The following MAP2K7 variants were observed in gnomAD, a reference collection of about 807,000 sequenced individuals.
MAP2K7 encodes dual specificity mitogen-activated protein kinase kinase 7.
In MAP2K7, 12 loss-of-function variants were observed where a neutral mutation model predicts 47.7. The observed-to-expected ratio is 0.25, with a 90% CI of 0.16 to 0.41. The LOEUF (loss-of-function observed/expected upper bound fraction) is 0.41. Ranked by LOEUF, MAP2K7 falls within the 10% of genes least tolerant of loss-of-function variation. The pLI is 1.00. For synonymous variants in MAP2K7, 299 were observed against 243.0 expected (o/e 1.23, Z -2.14); for missense variants, 415 against 600.3 (o/e 0.69, Z 3.23).
intron 1 of MAP2K7, among the ~76,000 whole-genome samples, chr19:7,905,095 C>T (rs867522073): frequency 6.6e-6 from 1 of 151,952 alleles, no homozygotes; most frequent in Non-Finnish European, 1.5e-5. Context: ...TCTCTAAATC[C>T]TCTGGGCTGG....
At position 7,910,503 on chromosome 19, in the gene MAP2K7, C is replaced by T. The variant is rs1343069863; in HGVS notation, c.498C>T (p.Asp166=). The change falls in exon 5 of 11, where the codon GAC becomes GAT. Residue 166 remains aspartate, a synonymous_variant. Transcript: ENST00000397979. ...AGGAGAACAAGCGCATCCTCATGGA[C>T]CTGGATGTGGTGCTGAAGAGCCACG... is the stretch of plus-strand genomic sequence containing the variant. ...NKEENKRILM[D]LDVVLKSHDC... is the part of the protein sequence containing the mutation. 1 of 1,613,240 alleles carries T rather than the reference C, an allele frequency of 6.2e-7. No homozygotes were observed. The highest frequency in any genetic ancestry group is 8.5e-7 in the Non-Finnish European group (1 of 1,179,830).
At chr19:7,911,626 G>T in intron 9 of MAP2K7, 48 bp downstream of exon 9, 1 of 1,521,872 alleles carries the variant, frequency 6.6e-7, no homozygotes. Flanking sequence ...CCGCTGCTCT[G>T]GGCAGCTGGG....
In MAP2K7 at chr19:7,909,814, C is replaced by T. The variant is rs1373620825; in HGVS notation, c.184C>T (p.Pro62Ser). The change falls in exon 2 of 11, where the codon CCG becomes TCG. Residue 62 changes from proline to serine, a missense_variant. Physicochemically the swap from Pro to Ser is moderately conservative, Grantham distance 74. Coordinates refer to ENST00000397979, the MANE Select transcript of MAP2K7 (RefSeq NM_145185.4). ...GSRSPSSESS[P>S]QHPTPPARPR... ...CCGCTCGCCATCCTCAGAGAGCTCC[C>T]CGCAGCACCCCACGCCCCCCGCCCG... is the stretch of plus-strand genomic sequence containing the variant. 1.9e-6 allele frequency: 3 copies of T among 1,542,990 alleles called. No individual in the cohort carries two copies. The highest frequency in any genetic ancestry group is 2.6e-6 in the Non-Finnish European group (3 of 1,145,752).
chr19:7,906,104 GCTCCCCCACTGAATGGGAGTCTGTGGC>G (rs1982438232), intron 1 of MAP2K7: 1 of 546,774 alleles, frequency 1.8e-6, no homozygotes, highest in Non-Finnish European at 3.3e-6. Context: ...GAGGAGGTGG[GCTCCCCCACTGAATGGGAGTCTGTGGC>G]CTCCGGGGGT....
chr19:7,909,525 T>TC (rs2145137500), intron 1 of MAP2K7, among the ~76,000 whole-genome samples: 1 of 152,274 alleles, frequency 6.6e-6, no homozygotes, highest in South Asian at 2.1e-4. Flanking sequence ...GCTAGCCTCC[T>TC]CCATCTCTTT....
intron 1 of MAP2K7, among the ~76,000 whole-genome samples, chr19:7,908,179 AC>A (rs1308790885): frequency 1.3e-5 from 2 of 151,290 alleles, no homozygotes; most frequent in African/African-American, 4.9e-5. Flanking sequence ...AAAAAAAAAA[AC>A]AGTGGGAGGT....
Position 7,910,756 on chromosome 19 carries a change from A to T in MAP2K7, c.628A>T (p.Met210Leu), listed in dbSNP as rs1301903022. The change falls in exon 6 of 11, where the codon ATG becomes TTG. Residue 210 changes from methionine (M) to leucine (L), a missense_variant. Around this residue, in one of 3 missense-constraint regions of MAP2K7, gnomAD observed 206 missense variants for 368.8 expected, o/e 0.56. Transcript: ENST00000397979. ...CTGCGCTGAGAAGCTCAAGAAGCGG[A>T]TGCAGGGCCCCATCCCCGAGCGCAT... ...GTCAEKLKKR[M>L]QGPIPERILG... is the part of the protein sequence containing the mutation. 6.2e-7 allele frequency: 1 copy of T among 1,611,834 alleles called. No individual in the cohort carries two copies. Among genetic ancestry groups the T allele is most frequent in the African/African-American group, 1.3e-5 (1 of 74,892 alleles).
chr19:7,912,695 C>T lies in MAP2K7; in HGVS notation c.*264C>T. 2 of 538,418 alleles carry T rather than the reference C, an allele frequency of 3.7e-6. No homozygotes were observed. The highest frequency in any genetic ancestry group is 6.5e-5 in the East Asian group (2 of 30,926). The allele number at this position is 538,418 out of a possible 1,614,324, so 33.4% of individuals were successfully genotyped here. A position where few individuals can be genotyped will look rare whatever the true frequency, so the allele number is the denominator to read the frequency against. ...AGACAGCAGGCCGCGATCAGAGTCG[C>T]TGTTCATTCAGCCGCAGCCTCTGGG... On this transcript the variant is annotated 3_prime_UTR_variant, in exon 11 of 11. Transcript: ENST00000397979.
chr19:7,904,966 C>T (rs1416315627), intron 1 of MAP2K7, among the ~76,000 whole-genome samples: 1 of 151,820 alleles, frequency 6.6e-6, no homozygotes, highest in East Asian at 1.9e-4. Flanking sequence ...AGTCCCACCA[C>T]CTCGGTACCT....
rs780648280 is a variant in MAP2K7 at position 7,911,365 on chromosome 19, A to G, written c.936+35A>G. 11 of 1,613,218 alleles carry G rather than the reference A, an allele frequency of 6.8e-6. No individual in the cohort carries two copies. In the South Asian group the frequency reaches 1.1e-4, roughly 16 times the overall value. ...GGCCCTCCCCTGTTCTCCAGCCAGG[A>G]GTGAGGGCTTCTGGGGGACTCGGAG... On this transcript the variant is annotated intron_variant, in intron 8 of 10. Transcript: ENST00000397979.
rs1020045583 is a variant in MAP2K7 at position 7,914,171 on chromosome 19, C to T, written c.*1740C>T. The stretch of plus-strand genomic sequence containing the variant: ...GCTGCCTGGTTTTATTTTTATTTAA[C>T]TTTATTTTCTGTTTTATGAGTGTGT... On this transcript the variant is annotated 3_prime_UTR_variant, in exon 11 of 11. Transcript: ENST00000397979. The T allele has an allele frequency of 1.3e-5, 2 of 152,238 alleles. No homozygotes were observed. Among genetic ancestry groups the T allele is most frequent in the Non-Finnish European group, 2.9e-5 (2 of 68,006 alleles). 9.4% of individuals were successfully genotyped at this position (152,238 alleles called of 1,614,324 possible). A position where few individuals can be genotyped will look rare whatever the true frequency, so the allele number is the denominator to read the frequency against.
intron 1 of MAP2K7, chr19:7,905,772 C>T (rs769232531): frequency 1.3e-4 from 188 of 1,495,556 alleles, no homozygotes; most frequent in Non-Finnish European, 1.6e-4. Flanking sequence ...TGTGATTTAT[C>T]GTGGTGTTGT....
intron 9 of MAP2K7, 22 bp from the exon 10 acceptor site, chr19:7,912,127 G>C (rs1982917732): frequency 6.2e-7 from 1 of 1,613,000 alleles, no homozygotes; most frequent in Non-Finnish European, 8.5e-7. Flanking sequence ...TCTCACATCT[G>C]TCTTCCCTTC....
rs765198147 is a variant in MAP2K7, at chr19:7,910,376, G to A, written c.447+3G>A. ...CCGGCCACGTCATTGCCGTTAAGGT[G>A]AGCCTTGGCGGCTACCCCGGCTGCG... On this transcript the variant is annotated splice_donor_region_variant and intron_variant, in intron 4 of 10. Coordinates refer to ENST00000397979, the MANE Select transcript of MAP2K7 (RefSeq NM_145185.4). The A allele has an allele frequency of 1.1e-5, 17 of 1,611,316 alleles. No individual in the cohort carries two copies. The highest frequency in any genetic ancestry group is 1.4e-5 in the Non-Finnish European group (17 of 1,179,230).
In MAP2K7 at chr19:7,911,147, C is replaced by A. The variant is rs781486119; in HGVS notation, c.843C>A (p.Ala281=). Residue 281 remains alanine (A), a synonymous_variant, in exon 7 of 11, where the codon GCC becomes GCA. Coordinates refer to ENST00000397979, the MANE Select transcript of MAP2K7 (RefSeq NM_145185.4). ...CCAAGACGCGGAGCGCCGGCTGTGC[C>A]GCCTACATGGCAGTGAGTGGGGGCC... ...SKAKTRSAGC[A]AYMAPERIDP... 6.2e-7 allele frequency: 1 copy of A among 1,610,158 alleles called. No individual in the cohort carries two copies. Among genetic ancestry groups the A allele is most frequent in the Non-Finnish European group, 8.5e-7 (1 of 1,178,590 alleles).
chr19:7,907,702 C>A (rs1243861833), intron 1 of MAP2K7, among the ~76,000 whole-genome samples: 1 of 152,194 alleles, frequency 6.6e-6, no homozygotes, highest in Non-Finnish European at 1.5e-5. Flanking sequence ...GGGCCACCCT[C>A]GGAAGGCCTG....
In MAP2K7 at chr19:7,903,881, C is replaced by A. The variant is rs1452940605; in HGVS notation, c.-64C>A. 5 of 1,272,570 alleles carry A rather than the reference C, an allele frequency of 3.9e-6. No homozygotes were observed. The East Asian group carries it at 1.6e-4, about 41-fold the overall frequency. The allele number at this position is 1,272,570 out of a possible 1,614,324, so 78.8% of individuals were successfully genotyped here. On this transcript the variant is annotated 5_prime_UTR_variant, in exon 1 of 11. Coordinates refer to ENST00000397979, the MANE Select transcript of MAP2K7 (RefSeq NM_145185.4). ...GGGTCATCCGGGCGCAGGCGCAGTG[C>A]GGTGTTTGTCTGCCGGACTGACGGG...
At chr19:7,908,420 C>T (rs1982600050) in intron 1 of MAP2K7, among the ~76,000 whole-genome samples, 1 of 152,150 alleles carries the variant, frequency 6.6e-6, no homozygotes, top group African/African-American at 2.4e-5. Context: ...ACTGAGGCGT[C>T]TTCCTGCCCC....
chr19:7,913,760 C>CA lies in MAP2K7; in HGVS notation c.*1335dup, dbSNP rs1224315984. 6.7e-6 allele frequency: 1 copy of CA among 150,224 alleles called. No individual in the cohort carries two copies. Among genetic ancestry groups the CA allele is most frequent in the Admixed American group, 6.6e-5 (1 of 15,076 alleles). The allele number at this position is 150,224 out of a possible 1,614,324, so 9.3% of individuals were successfully genotyped here. A position where few individuals can be genotyped will look rare whatever the true frequency, so the allele number is the denominator to read the frequency against. On this transcript the variant is annotated 3_prime_UTR_variant, in exon 11 of 11. Coordinates refer to ENST00000397979, the MANE Select transcript of MAP2K7 (RefSeq NM_145185.4). ...AAGTGGACAAGAAAAAATAACAAAACAAAAAACAAGAAAAAAAAAACACAA... is the reference window on the plus strand; with the variant it reads ...AAGTGGACAAGAAAAAATAACAAAACAAAAAAACAAGAAAAAAAAAACACAA...
Sources: allele counts gnomAD v4.1 joint callset (sites outside exome capture counted in the v4.1 genomes callset), GRCh38; gene constraint gnomAD v4.1.1; regional missense constraint gnomAD v4.1.1; transcripts MANE v1.5; gene names NCBI Gene and HGNC (gene_info 2026-07-23, HGNC 2026-07-21).